Variants in LRMDA observed in about 807,000 individuals in gnomAD.
LRMDA encodes leucine-rich melanocyte differentiation-associated protein.
Under a neutral mutation model 29.8 loss-of-function variants are expected in LRMDA, and 18 were observed. The observed-to-expected ratio is 0.60, with a 90% CI of 0.42 to 0.90. The LOEUF is 0.90. LRMDA is among the 40% of genes least tolerant of loss of function. The pLI, the probability that LRMDA is intolerant of heterozygous loss-of-function variation, is 0.00. For synonymous variants in LRMDA, 125 were observed against 109.4 expected (o/e 1.14, Z -0.89); for missense variants, 273 against 273.9 (o/e 1.00, Z 0.02).
chr10:76,450,718 T>A (rs1263125950), intron 6 of LRMDA, among the ~76,000 whole-genome samples: 6 of 152,208 alleles, frequency 3.9e-5, no homozygotes, highest in Non-Finnish European at 8.8e-5. Flanking sequence ...GCCTCAAATA[T>A]GGACTTTCAT....
At chr10:76,130,549 G>A (rs1400642079) in intron 5 of LRMDA, among the ~76,000 whole-genome samples, 3 of 152,176 alleles carry the variant, frequency 2.0e-5, no homozygotes, top group South Asian at 2.1e-4. Flanking sequence ...AGACCAGACT[G>A]TGTTTTGGCT....
At chr10:76,450,377 A>G (rs1842394144) in intron 6 of LRMDA, among the ~76,000 whole-genome samples, 1 of 152,096 alleles carries the variant, frequency 6.6e-6, no homozygotes, top group Non-Finnish European at 1.5e-5. Flanking sequence ...TTTTAAATTT[A>G]TCATTGAGAT....
chr10:75,954,581 G>A (rs1846633298), intron 2 of LRMDA, among the ~76,000 whole-genome samples: 1 of 152,196 alleles, frequency 6.6e-6, no homozygotes, highest in South Asian at 2.1e-4. Flanking sequence ...GGGCAGCCTT[G>A]GCAGCTGTTC....
chr10:76,262,625 T>G (rs2132310889), intron 5 of LRMDA, among the ~76,000 whole-genome samples: 1 of 152,354 alleles, frequency 6.6e-6, no homozygotes, highest in Non-Finnish European at 1.5e-5. Context: ...TTATTCAACA[T>G]CTTTCCTCTG....
intron 5 of LRMDA, among the ~76,000 whole-genome samples, chr10:76,149,280 G>A (rs1315000805): frequency 1.3e-5 from 2 of 152,224 alleles, no homozygotes; most frequent in Non-Finnish European, 2.9e-5. Flanking sequence ...TGATTAGGAT[G>A]TGCTGTGAGG....
At chr10:76,346,054 G>A (rs1020430718) in intron 6 of LRMDA, among the ~76,000 whole-genome samples, 3 of 152,154 alleles carry the variant, frequency 2.0e-5, no homozygotes, top group East Asian at 1.9e-4. Context: ...TTATTTAAGA[G>A]TACAGTGCTA....
intron 6 of LRMDA, among the ~76,000 whole-genome samples, chr10:76,373,045 A>C (rs1313798564): frequency 6.6e-6 from 1 of 152,156 alleles, no homozygotes; most frequent in Admixed American, 6.5e-5. Flanking sequence ...ACCATGTGGA[A>C]TCTAGCATGA....
At chr10:75,571,276 T>A (rs892252292) in intron 2 of LRMDA, among the ~76,000 whole-genome samples, 6 of 152,176 alleles carry the variant, frequency 3.9e-5, no homozygotes, top group Admixed American at 3.3e-4. Flanking sequence ...GAGTTGGATG[T>A]ATAGAGGGAA....
chr10:76,529,660 A>G (rs907174452), intron 6 of LRMDA, among the ~76,000 whole-genome samples: 13 of 152,140 alleles, frequency 8.5e-5, no homozygotes, highest in African/African-American at 2.7e-4. Flanking sequence ...TTATCCAGCA[A>G]TGTGGCAAAG....
intron 2 of LRMDA, among the ~76,000 whole-genome samples, chr10:75,439,288 C>T (rs1165554682): frequency 6.6e-6 from 1 of 152,160 alleles, no homozygotes; most frequent in Non-Finnish European, 1.5e-5. Context: ...TGGTGCCACC[C>T]AGGGCTTTTT....
chr10:75,607,801 C>G lies in LRMDA; in HGVS notation c.131+169307C>G, dbSNP rs77901777. Among the ~76,000 whole-genome samples the G allele has an allele frequency of 1.2e-4, 18 of 147,752 alleles. No individual in the cohort carries two copies. The East Asian group carries it at 3.6e-3, about 29-fold the overall frequency. ...AAAAAATTGTGATTCCTAGGCCCCACTCCTGGAGATTTTGATTCAGTGGTT... is the reference window on the plus strand; with the variant it reads ...AAAAAATTGTGATTCCTAGGCCCCAGTCCTGGAGATTTTGATTCAGTGGTT... On this transcript the variant is annotated intron_variant, in intron 2 of 6. Coordinates refer to ENST00000611255, the MANE Select transcript of LRMDA (RefSeq NM_001305581.2).
At chr10:76,200,655 G>T (rs1049152384) in intron 5 of LRMDA, among the ~76,000 whole-genome samples, 2 of 151,410 alleles carry the variant, frequency 1.3e-5, no homozygotes, top group African/African-American at 2.4e-5. Context: ...ACTTGATATT[G>T]GATAGCATGC....
intron 6 of LRMDA, among the ~76,000 whole-genome samples, chr10:76,360,980 G>A (rs1841303895): frequency 6.6e-6 from 1 of 152,150 alleles, no homozygotes; most frequent in Non-Finnish European, 1.5e-5. Context: ...GATTAAATGG[G>A]CTGGGTGTGG....
intron 2 of LRMDA, among the ~76,000 whole-genome samples, chr10:75,756,593 G>T (rs969170071): frequency 2.0e-5 from 3 of 152,158 alleles, no homozygotes; most frequent in Non-Finnish European, 2.9e-5. Context: ...ACTGATAAAG[G>T]TGCTCTCTTT....
At chr10:75,858,933 G>T (rs1844873022) in intron 2 of LRMDA, among the ~76,000 whole-genome samples, 1 of 152,172 alleles carries the variant, frequency 6.6e-6, no homozygotes, top group African/African-American at 2.4e-5. Flanking sequence ...CTCTGCCACA[G>T]GCACGTTTAT....
chr10:76,308,032 G>A (rs909365205), intron 5 of LRMDA, among the ~76,000 whole-genome samples: 2 of 152,020 alleles, frequency 1.3e-5, no homozygotes, highest in African/African-American at 4.8e-5. Flanking sequence ...GAGTCATTTT[G>A]GTCAAGAATT....
intron 2 of LRMDA, among the ~76,000 whole-genome samples, chr10:75,502,251 C>T (rs1422574410): frequency 6.6e-6 from 1 of 152,126 alleles, no homozygotes; most frequent in Non-Finnish European, 1.5e-5. Context: ...AACTGCGTGC[C>T]CAGGAAGCTG....
chr10:75,458,341 G>A (rs1198293435), intron 2 of LRMDA, among the ~76,000 whole-genome samples: 1 of 152,126 alleles, frequency 6.6e-6, no homozygotes, highest in Non-Finnish European at 1.5e-5. Flanking sequence ...GGCTCTGTGG[G>A]GGGTCTACTT....
chr10:75,612,567 G>A (rs1841045660), intron 2 of LRMDA, among the ~76,000 whole-genome samples: 1 of 151,090 alleles, frequency 6.6e-6, no homozygotes, highest in African/African-American at 2.4e-5. Context: ...TGTGGAAAGA[G>A]GCTTTTATAA....
Sources: allele counts gnomAD v4.1 joint callset (sites outside exome capture counted in the v4.1 genomes callset), GRCh38; gene constraint gnomAD v4.1.1; transcripts MANE v1.5; gene names NCBI Gene and HGNC (gene_info 2026-07-23, HGNC 2026-07-21).